The following NCAM1 variants were observed in gnomAD, a reference collection of about 807,000 sequenced individuals.
NCAM1 encodes antigen recognized by monoclonal antibody 5.1H11.
Under a neutral mutation model 109.8 loss-of-function variants are expected in NCAM1, and 14 were observed. That is an observed-to-expected ratio of 0.13 (90% CI 0.08 to 0.20). The LOEUF is 0.20. NCAM1 is among the 10% of genes least tolerant of loss of function. NCAM1 has a pLI of 1.00. For synonymous variants in NCAM1, 418 were observed against 442.9 expected, an observed-to-expected ratio of 0.94 and a Z score of 0.70; for missense variants, 774 against 1,109.9, an observed-to-expected ratio of 0.70 and a Z score of 4.30.
intron 1 of NCAM1, among the ~76,000 whole-genome samples, chr11:112,987,380 G>A (rs1186701587): frequency 1.3e-5 from 2 of 152,024 alleles, no homozygotes; most frequent in Non-Finnish European, 1.5e-5. Context: ...GCCGTTGAAT[G>A]GAATGTTCTA....
intron 7 of NCAM1, 65 bp downstream of exon 7, chr11:113,208,067 C>T: frequency 6.6e-7 from 1 of 1,514,366 alleles, no homozygotes; most frequent in South Asian, 1.2e-5. Flanking sequence ...ACATTCAGTC[C>T]ATCAGTAAGA....
intron 2 of NCAM1, among the ~76,000 whole-genome samples, chr11:113,203,131 T>C (rs1944120521): frequency 6.6e-6 from 1 of 152,148 alleles, no homozygotes; most frequent in Non-Finnish European, 1.5e-5. Flanking sequence ...TCTCTGTATA[T>C]GACATGACTG....
intron 16 of NCAM1, among the ~76,000 whole-genome samples, chr11:113,257,839 C>A (rs1186732334): frequency 6.6e-6 from 1 of 152,228 alleles, no homozygotes; most frequent in Non-Finnish European, 1.5e-5. Flanking sequence ...GAATTGCTTT[C>A]TTTTAAATGA....
intron 1 of NCAM1, among the ~76,000 whole-genome samples, chr11:113,125,645 C>G (rs1941143685): frequency 6.6e-6 from 1 of 152,194 alleles, no homozygotes; most frequent in Non-Finnish European, 1.5e-5. Flanking sequence ...GCGGTCTGCT[C>G]AGAGCCCGCT....
At chr11:113,095,043 C>T (rs1458048954) in intron 1 of NCAM1, among the ~76,000 whole-genome samples, 1 of 152,054 alleles carries the variant, frequency 6.6e-6, no homozygotes, top group South Asian at 2.1e-4. Context: ...AAAATGAGAC[C>T]TTCGAGTTCT....
chr11:113,104,215 G>GC (rs1275757683), intron 1 of NCAM1, among the ~76,000 whole-genome samples: 5 of 116,530 alleles, frequency 4.3e-5, no homozygotes, highest in African/African-American at 1.5e-4. Context: ...GGTGGGGGGG[G>GC]GGGCGGGGTG....
intron 1 of NCAM1, among the ~76,000 whole-genome samples, chr11:112,993,229 A>G (rs930735590): frequency 6.6e-6 from 1 of 152,160 alleles, no homozygotes; most frequent in Non-Finnish European, 1.5e-5. Flanking sequence ...GCTTCTAGGG[A>G]GGCCTCAGGA....
At chr11:113,132,874 G>A (rs1248445452) in intron 1 of NCAM1, 1 of 152,288 alleles carries the variant, frequency 6.6e-6, no homozygotes, top group Non-Finnish European at 1.5e-5. Context: ...CACACCAGAG[G>A]CCTCTTCCAC....
At chr11:113,189,561 T>A (rs1207200976) in intron 1 of NCAM1, among the ~76,000 whole-genome samples, 3 of 151,984 alleles carry the variant, frequency 2.0e-5, no homozygotes, top group Non-Finnish European at 4.4e-5. Flanking sequence ...TTCTCATGGG[T>A]GAGCCTCGTT....
At position 113,059,091 on chromosome 11, in the gene NCAM1, T is replaced by A. The variant is rs577265314; in HGVS notation, c.52+97427T>A. 3.3e-5 allele frequency among the ~76,000 whole-genome samples: 5 copies of A among 152,288 alleles called. No individual in the cohort carries two copies. The East Asian group carries it at 9.6e-4, about 29-fold the overall frequency. ...AAGTGAGAGAACAGAGTTCTAGGCTTCTCCCCCACTTGCCTATGACAAGGT... is the reference window on the plus strand; with the variant it reads ...AAGTGAGAGAACAGAGTTCTAGGCTACTCCCCCACTTGCCTATGACAAGGT... On this transcript the variant is annotated intron_variant, in intron 1 of 19. Transcript: ENST00000316851.
At chr11:113,129,206 G>A (rs2136105920) in intron 1 of NCAM1, among the ~76,000 whole-genome samples, 1 of 152,064 alleles carries the variant, frequency 6.6e-6, no homozygotes, top group South Asian at 2.1e-4. Context: ...TTCACATGGG[G>A]CCTCTCATTT....
chr11:113,001,372 G>T (rs1448255078), intron 1 of NCAM1, among the ~76,000 whole-genome samples: 1 of 152,186 alleles, frequency 6.6e-6, no homozygotes, highest in Non-Finnish European at 1.5e-5. Context: ...ATGTGGAATT[G>T]TGGGTGTAGA....
chr11:113,208,667 C>T (rs1428712896), intron 7 of NCAM1, among the ~76,000 whole-genome samples: 1 of 152,118 alleles, frequency 6.6e-6, no homozygotes, highest in African/African-American at 2.4e-5. Context: ...CACCTCCACT[C>T]ATCTCTCTCT....
At position 113,013,426 on chromosome 11, in the gene NCAM1, C is replaced by CAA. The variant is rs34001751; in HGVS notation, c.52+51781_52+51782dup. Reference sequence around the variant, plus strand: ...TGGGCGACACAGCAAGACTCTGTCTCAAAAAAAAAAAAAAAAAAAAGAAGC... The same window carrying CAA: ...TGGGCGACACAGCAAGACTCTGTCTCAAAAAAAAAAAAAAAAAAAAAAGAAGC... On this transcript the variant is annotated intron_variant, in intron 1 of 19. Coordinates refer to ENST00000316851, the MANE Select transcript of NCAM1 (RefSeq NM_181351.5). Among the ~76,000 whole-genome samples the CAA allele has an allele frequency of 6.0e-3, 570 of 95,798 alleles. 9 individuals carry two copies. The highest frequency in any genetic ancestry group is 0.02 in the East Asian group (68 of 3,396). 62.8% of individuals were successfully genotyped at this position (95,798 alleles called of 152,430 possible).
intron 1 of NCAM1, among the ~76,000 whole-genome samples, chr11:113,063,454 AG>A (rs1365990291): frequency 6.6e-6 from 1 of 152,226 alleles, no homozygotes; most frequent in Non-Finnish European, 1.5e-5. Context: ...TCCACCCACT[AG>A]CACAGGCTGT....
intron 1 of NCAM1, among the ~76,000 whole-genome samples, chr11:113,191,922 G>A (rs1446360080): frequency 6.6e-6 from 1 of 152,174 alleles, no homozygotes; most frequent in Non-Finnish European, 1.5e-5. Context: ...AACACATAAG[G>A]ACATTATTGA....
intron 1 of NCAM1, among the ~76,000 whole-genome samples, chr11:113,106,765 T>C (rs1056025545): frequency 1.2e-4 from 19 of 152,212 alleles, no homozygotes; most frequent in African/African-American, 2.4e-5. Flanking sequence ...AGAAGATTGC[T>C]ATTTCTGCAA....
intron 1 of NCAM1, among the ~76,000 whole-genome samples, chr11:113,049,051 T>C (rs1953370967): frequency 6.6e-6 from 1 of 152,192 alleles, no homozygotes; most frequent in South Asian, 2.1e-4. Flanking sequence ...CAGATCTCAC[T>C]GTCAGACCTG....
At chr11:113,248,228 CAAA>C (rs34946502) in intron 15 of NCAM1, among the ~76,000 whole-genome samples, 5 of 130,038 alleles carry the variant, frequency 3.8e-5, no homozygotes, top group Admixed American at 7.8e-5. Context: ...TGGCCGGTAC[CAAA>C]AAAAAAAAAA....
Sources: gnomAD v4.1 joint callset for allele counts (sites outside exome capture counted in the v4.1 genomes callset) on GRCh38, gnomAD v4.1.1 for gene constraint, MANE v1.5 for transcripts, NCBI Gene and HGNC (gene_info 2026-07-23, HGNC 2026-07-21) for gene names.